ADGRD2: variants seen among roughly 807,000 people sequenced by gnomAD.
ADGRD2 encodes the protein G protein-coupled receptor PGR24.
ADGRD2 carries 71 observed loss-of-function variants against 44.4 expected under a neutral mutation model. The observed-to-expected ratio is 1.60, with a 90% confidence interval of 1.32 to 1.95. The LOEUF is 1.95. Ranked by LOEUF, ADGRD2 falls within the 30% of genes most tolerant of loss-of-function variation. The pLI is 0.00. For synonymous variants in ADGRD2, 481 were observed against 224.8 expected (o/e 2.14, Z -10.19); for missense variants, 1,039 against 512.4 (o/e 2.03, Z -9.92).
Position 124,454,033 on chromosome 9 carries a change from A to T in ADGRD2, c.960A>T (p.Gly320=). 2 of 713,236 alleles carry T rather than the reference A, an allele frequency of 2.8e-6. No individual in the cohort carries two copies. Among genetic ancestry groups the T allele is most frequent in the Non-Finnish European group, 5.2e-6 (2 of 383,398 alleles). The allele number at this position is 713,236 out of a possible 1,614,324, so 44.2% of individuals were successfully genotyped here. The change falls in exon 4 of 22, where the codon GGA becomes GGT. Residue 320 remains glycine, a synonymous_variant. Coordinates refer to ENST00000334810, the Ensembl canonical transcript of ADGRD2. This position sits in a 1 kb window ranked among gnomAD's most constrained non-coding sequence, Gnocchi z 4.5. ...AGGAGTGCCCTACGTGGAACCCGGG[A>T]CCTCGCAGTGAGGGCTCTGAGCTCT... is the stretch of plus-strand genomic sequence containing the variant.
At chr9:124,461,056 C>T (rs1386830170) in intron 10 of ADGRD2, among the ~76,000 whole-genome samples, 1 of 152,190 alleles carries the variant, frequency 6.6e-6, no homozygotes, top group Non-Finnish European at 1.5e-5. Context: ...AAACCAATGA[C>T]TCTGGGCATC....
intron 14 of ADGRD2, 133 bp from the exon 18 acceptor site, chr9:124,469,089 G>T (rs1831889652): frequency 1.6e-6 from 1 of 610,218 alleles, no homozygotes; most frequent in Non-Finnish European, 2.9e-6. Flanking sequence ...CCCCAGCCCT[G>T]CTCCTTGGAC....
chr9:124,456,510 C>T, intron 6 of ADGRD2, 112 bp from the exon 10 acceptor site: 1 of 662,952 alleles, frequency 1.5e-6, no homozygotes, highest in Non-Finnish European at 2.8e-6. Context: ...CACGGAGGGT[C>T]TGGAGAGGGC....
At chr9:124,453,245 G>A (rs1251292461) in exon 3 of ADGRD2, 2 of 557,614 alleles carry the variant, frequency 3.6e-6, no homozygotes, top group South Asian at 2.2e-5. Context: ...GAGCCGGGGG[G>A]CGTCGTGCGC....
exon 3 of ADGRD2, chr9:124,453,299 C>T (rs1179126515): frequency 1.0e-5 from 5 of 481,494 alleles, no homozygotes. Context: ...TTCCTCGCAG[C>T]CTTCCGCGCC....
exon 3 of ADGRD2, chr9:124,453,124 C>T (rs1391450871): frequency 1.4e-6 from 1 of 701,796 alleles, no homozygotes; most frequent in Admixed American, 2.0e-5. Context: ...GCTGGCAGCG[C>T]TGACCGCGTG....
upstream of ADGRD2, chr9:124,451,488 T>C (rs1404944037): frequency 5.8e-6 from 2 of 347,358 alleles, no homozygotes; most frequent in Non-Finnish European, 1.1e-5. Flanking sequence ...TCCAGCCCAC[T>C]GGTTGGTTCC....
chr9:124,451,473 G>T (rs1831466674), upstream of ADGRD2: 1 of 348,932 alleles, frequency 2.9e-6, no homozygotes, highest in African/African-American at 2.1e-5. Flanking sequence ...ACCCCATCCT[G>T]GGCTTCCAGC....
chr9:124,453,548 C>T (rs1831547518), exon 3 of ADGRD2: 4 of 698,156 alleles, frequency 5.7e-6, no homozygotes, highest in Non-Finnish European at 1.0e-5. Flanking sequence ...GCGCTGAGCC[C>T]CGCTCAGCTG....
chr9:124,451,315 C>A, upstream of ADGRD2: 1 of 441,118 alleles, frequency 2.3e-6, no homozygotes, highest in Non-Finnish European at 4.7e-6. Context: ...GGACCCTGAG[C>A]TCTGTTTCGC....
chr9:124,453,627 C>T, exon 3 of ADGRD2: 1 of 701,074 alleles, frequency 1.4e-6, no homozygotes. Context: ...GCGCCCTGGA[C>T]GTCACGCCCT....
At chr9:124,460,151 T>TG (rs1329712272) in intron 10 of ADGRD2, among the ~76,000 whole-genome samples, 1 of 151,250 alleles carries the variant, frequency 6.6e-6, no homozygotes, top group Non-Finnish European at 1.5e-5. Context: ...ATCGTCAGAA[T>TG]GGGGCTGCGG....
chr9:124,457,155 T>C (rs1383407360), intron 7 of ADGRD2, among the ~76,000 whole-genome samples: 1 of 152,240 alleles, frequency 6.6e-6, no homozygotes, highest in African/African-American at 2.4e-5. Flanking sequence ...CCGTGAATGT[T>C]TGTAGCCTGA....
chr9:124,452,697 C>A, exon 2 of ADGRD2: 2 of 715,646 alleles, frequency 2.8e-6, no homozygotes, highest in East Asian at 2.7e-5. Flanking sequence ...AAAGAGAGGC[C>A]CCTCTGCGGA....
exon 9 of ADGRD2, chr9:124,458,128 C>A (rs768032724): frequency 1.4e-6 from 1 of 718,522 alleles, no homozygotes; most frequent in East Asian, 2.7e-5. Flanking sequence ...TCTGGAGTCA[C>A]CGTGATCCAC....
intron 10 of ADGRD2, chr9:124,465,355 C>T (rs1167176830): frequency 4.9e-5 from 7 of 142,812 alleles, no homozygotes; most frequent in East Asian, 2.0e-4. Context: ...TTTCCAGGTT[C>T]TTTTTTTTTT....
At chr9:124,451,763 G>T (rs1831474828), upstream of ADGRD2, 2 of 303,602 alleles carry the variant, frequency 6.6e-6, no homozygotes, top group Non-Finnish European at 1.3e-5. Context: ...ACAGCTTCAA[G>T]GGTTCCAAGT....
Position 124,454,855 on chromosome 9 carries a change from C to T in ADGRD2, c.1123C>T (p.Pro375Ser). Residue 375 changes from proline to serine, a missense_variant, in exon 6 of 22, where the codon CCC becomes TCC. Transcript: ENST00000334810. The surrounding 1 kb of genome is among the most constrained non-coding windows in gnomAD (Gnocchi z 4.5). ...CCTCTGTCCACAGCTCCTCCCGGAC[C>T]CCCTCTCCGAAGTCCATGGGGCCCT... The T allele has an allele frequency of 1.4e-6, 1 of 702,358 alleles. No individual in the cohort carries two copies. 43.5% of individuals were successfully genotyped at this position (702,358 alleles called of 1,614,324 possible). A position where few individuals can be genotyped will look rare whatever the true frequency, so the allele number is the denominator to read the frequency against.
chr9:124,453,730 G>A, intron 3 of ADGRD2, 54 bp downstream of exon 6: 1 of 420,512 alleles, frequency 2.4e-6, no homozygotes, highest in Non-Finnish European at 4.3e-6. Flanking sequence ...CTTCCCTTCC[G>A]ACCCTGGAAC....
Sources: gnomAD v4.1 joint callset for allele counts (sites outside exome capture counted in the v4.1 genomes callset) on GRCh38, gnomAD v4.1.1 for gene constraint, Gnocchi (gnomAD v3.1) non-coding constraint, MANE v1.5 for transcripts, NCBI Gene and HGNC (gene_info 2026-07-23, HGNC 2026-07-21) for gene names.